Variants in ARIH2 observed in about 807,000 individuals in gnomAD.
The protein encoded by ARIH2 is E3 ubiquitin-protein ligase ARIH2.
Under a neutral mutation model 79.8 loss-of-function variants are expected in ARIH2, and 12 were observed. That is an observed-to-expected ratio of 0.15 (90% confidence interval 0.10 to 0.24). ARIH2 has a LOEUF of 0.24. Ranked by LOEUF, ARIH2 falls within the 10% of genes least tolerant of loss-of-function variation. The probability of loss-of-function intolerance (pLI) is 1.00; values close to 1 mark genes in which losing one functional copy is unlikely to be tolerated. For synonymous variants in ARIH2, 224 were observed against 213.9 expected, an observed-to-expected ratio of 1.05 and a Z score of -0.41; for missense variants, 301 against 618.3, an observed-to-expected ratio of 0.49 and a Z score of 5.44.
chr3:48,966,287 T>C (rs950546580), intron 5 of ARIH2, among the ~76,000 whole-genome samples: 1 of 152,210 alleles, frequency 6.6e-6, no homozygotes, highest in Non-Finnish European at 1.5e-5. Context: ...TGGATAAACA[T>C]GAGAATCCAG....
At chr3:48,957,866 C>A (rs2090778739) in intron 3 of ARIH2, among the ~76,000 whole-genome samples, 1 of 152,070 alleles carries the variant, frequency 6.6e-6, no homozygotes. Context: ...CAGGCACCTA[C>A]CACCACACCC....
chr3:48,919,537 T>C (rs979254118), intron 1 of ARIH2, among the ~76,000 whole-genome samples: 1 of 152,210 alleles, frequency 6.6e-6, no homozygotes, highest in African/African-American at 2.4e-5. Flanking sequence ...GTACTGTTCA[T>C]TGCCTGGTCC....
intron 8 of ARIH2, among the ~76,000 whole-genome samples, chr3:48,971,321 C>A (rs2092222745): frequency 6.6e-6 from 1 of 152,160 alleles, no homozygotes; most frequent in Non-Finnish European, 1.5e-5. Flanking sequence ...CTTGGCTCAC[C>A]ACAACCTCCG....
chr3:48,981,695 A>G lies in ARIH2; in HGVS notation c.1293A>G (p.Ala431=), dbSNP rs374375086. The change falls in exon 14 of 16, where the codon GCA becomes GCG. Residue 431 remains alanine (A), a synonymous_variant. Transcript: ENST00000356401. ...RYTLQYTYPY[A]YYMESGPRKK... ...CCCTGCAATACACCTACCCATATGC[A>G]TATTACATGGAGTCCGGACCCAGGA... The G allele has an allele frequency of 1.4e-5, 23 of 1,613,888 alleles. No individual in the cohort carries two copies. Among genetic ancestry groups the G allele is most frequent in the Admixed American group, 5.0e-5 (3 of 60,002 alleles).
intron 14 of ARIH2, 63 bp from the exon 15 acceptor site, chr3:48,982,833 T>G: frequency 1.6e-6 from 2 of 1,263,098 alleles, no homozygotes; most frequent in Middle Eastern, 1.9e-4. Context: ...CCCACCCCCG[T>G]GTACAGGCCC....
chr3:48,941,868 C>T (rs1362468333), intron 3 of ARIH2, among the ~76,000 whole-genome samples: 1 of 150,896 alleles, frequency 6.6e-6, no homozygotes, highest in East Asian at 2.0e-4. Context: ...CAGGCGTGAG[C>T]CACCGCCCGA....
intron 5 of ARIH2, among the ~76,000 whole-genome samples, chr3:48,965,688 C>T (rs371739049): frequency 6.6e-6 from 1 of 152,068 alleles, no homozygotes; most frequent in Admixed American, 6.5e-5. Flanking sequence ...CGGCCAGGCA[C>T]GGTGGCTCAC....
rs1272784905 is a variant in ARIH2, at chr3:48,974,843, G to A, written c.915G>A (p.Glu305=). Residue 305 remains glutamate (E), a synonymous_variant, in exon 10 of 16, where the codon GAG becomes GAA. Transcript: ENST00000356401. ...GTCCCAAGTGCAACATCTGCATTGAGAAGAATGGAGGCTGCAATCACATGG... is the reference window on the plus strand; with the variant it reads ...GTCCCAAGTGCAACATCTGCATTGAAAAGAATGGAGGCTGCAATCACATGG... ...KDCPKCNICI[E]KNGGCNHMQC... 6.2e-7 allele frequency: 1 copy of A among 1,613,914 alleles called. No individual in the cohort carries two copies. Among genetic ancestry groups the A allele is most frequent in the Non-Finnish European group, 8.5e-7 (1 of 1,180,046 alleles).
intron 11 of ARIH2, among the ~76,000 whole-genome samples, chr3:48,976,362 C>G (rs999266207): frequency 2.0e-5 from 3 of 151,964 alleles, no homozygotes; most frequent in Non-Finnish European, 2.9e-5. Flanking sequence ...AGGCGCCCAC[C>G]ACCACACCTG....
intron 1 of ARIH2, chr3:48,919,487 A>T (rs910923245): frequency 4.7e-5 from 11 of 236,524 alleles, no homozygotes; most frequent in Non-Finnish European, 7.3e-5. Flanking sequence ...CCTCGCCAGA[A>T]GCTGGTTGGG....
rs1187927122 is a variant in ARIH2 at position 48,985,415 on chromosome 3, A to AC, written c.*2146dup. On this transcript the variant is annotated 3_prime_UTR_variant, in exon 16 of 16. Coordinates refer to ENST00000356401, the MANE Select transcript of ARIH2 (RefSeq NM_006321.4). ...CTACAAAGGGTGGAAGAGAAAGGAC[A>AC]CAGTATTTTCATGAATTTACCATAT... 3.9e-5 allele frequency: 6 copies of AC among 152,362 alleles called. No homozygotes were observed. In the East Asian group the frequency reaches 1.2e-3, roughly 29 times the overall value. The allele number at this position is 152,362 out of a possible 1,614,324, so 9.4% of individuals were successfully genotyped here.
At chr3:48,927,381 T>C in intron 2 of ARIH2, 81 bp from the exon 3 acceptor site, 1 of 704,286 alleles carries the variant, frequency 1.4e-6, no homozygotes, top group East Asian at 2.8e-5. Flanking sequence ...GCCAGGACTG[T>C]CCCATTTTGA....
chr3:48,919,217 C>T, intron 1 of ARIH2: 5 of 1,269,366 alleles, frequency 3.9e-6, no homozygotes, highest in Non-Finnish European at 5.0e-6. Flanking sequence ...CTTCTCAGCT[C>T]TCGGAAAGGT....
At chr3:48,929,037 A>G (rs540517107) in intron 3 of ARIH2, among the ~76,000 whole-genome samples, 3 of 152,006 alleles carry the variant, frequency 2.0e-5, no homozygotes, top group Non-Finnish European at 2.9e-5. Context: ...CACCATGCAC[A>G]CCTCTCCCTT....
intron 3 of ARIH2, among the ~76,000 whole-genome samples, chr3:48,946,827 G>C (rs1458267436): frequency 1.3e-5 from 2 of 152,110 alleles, no homozygotes; most frequent in East Asian, 3.9e-4. Context: ...CTTTGACTCT[G>C]TGAAAGCCTT....
chr3:48,942,665 T>G (rs1301061162), intron 3 of ARIH2, among the ~76,000 whole-genome samples: 1 of 149,184 alleles, frequency 6.7e-6, no homozygotes, highest in Non-Finnish European at 1.5e-5. Context: ...TTTTTTTTTT[T>G]TTTGAGATGG....
rs550005973 is a variant in ARIH2, at chr3:48,973,537, A to T, written c.771-162A>T. On this transcript the variant is annotated intron_variant, in intron 8 of 15. Transcript: ENST00000356401. ...GCTTGCAGTGAACCGAGATCACGCC[A>T]CTACACTCCAGCCTGGCGACAGAGC... 5.2e-5 allele frequency: 27 copies of T among 522,796 alleles called. No individual in the cohort carries two copies. In the South Asian group the frequency reaches 5.6e-4, roughly 11 times the overall value. 32.4% of individuals were successfully genotyped at this position (522,796 alleles called of 1,614,324 possible). A position where few individuals can be genotyped will look rare whatever the true frequency, so the allele number is the denominator to read the frequency against.
intron 1 of ARIH2, chr3:48,919,238 C>G (rs985110870): frequency 4.1e-6 from 5 of 1,232,974 alleles, no homozygotes; most frequent in Non-Finnish European, 5.1e-6. Flanking sequence ...CAGAGGCCAC[C>G]GCCTCTGACC....
chr3:48,955,557 G>A (rs930725278), intron 3 of ARIH2, among the ~76,000 whole-genome samples: 6 of 152,194 alleles, frequency 3.9e-5, no homozygotes, highest in Non-Finnish European at 8.8e-5. Context: ...CAAGGGGACA[G>A]GGGGTGAAGG....
Sources: gnomAD v4.1 joint callset for allele counts (sites outside exome capture counted in the v4.1 genomes callset) on GRCh38, gnomAD v4.1.1 for gene constraint, MANE v1.5 for transcripts, NCBI Gene and HGNC (gene_info 2026-07-23, HGNC 2026-07-21) for gene names.